The following YTHDC1 variants were observed in gnomAD, a reference collection of about 807,000 sequenced individuals.
YTHDC1 encodes YTH domain-containing protein 1.
In YTHDC1, 12 loss-of-function variants were observed where a neutral mutation model predicts 107.0. That is an observed-to-expected ratio of 0.11 (90% confidence interval 0.07 to 0.18). YTHDC1 has a LOEUF of 0.18. Ranked by LOEUF, YTHDC1 falls within the 10% of genes least tolerant of loss-of-function variation. YTHDC1 has a pLI of 1.00. For missense variants in YTHDC1, 635 were observed against 898.8 expected, an observed-to-expected ratio of 0.71 and a Z score of 3.75; for synonymous variants, 280 against 289.5, an observed-to-expected ratio of 0.97 and a Z score of 0.33.
rs999703283 is a variant in YTHDC1 at position 68,313,938 on chromosome 4, T to C, written c.*161A>G. 9 of 772,748 alleles carry C rather than the reference T, an allele frequency of 1.2e-5. No individual in the cohort carries two copies. The highest frequency in any genetic ancestry group is 5.2e-5 in the African/African-American group (3 of 57,214). The allele number at this position is 772,748 out of a possible 1,614,324, so 47.9% of individuals were successfully genotyped here. A position where few individuals can be genotyped will look rare whatever the true frequency, so the allele number is the denominator to read the frequency against. On this transcript the variant is annotated 3_prime_UTR_variant, in exon 17 of 17. Coordinates refer to ENST00000344157, the MANE Select transcript of YTHDC1 (RefSeq NM_001031732.4). ...CGGATTTGAGTTTTTCCAGTTCTTA[T>C]GATACTGCATGCTTGGAACAAAGGG...
chr4:68,348,438 C>T (rs1725686062), intron 1 of YTHDC1, among the ~76,000 whole-genome samples: 1 of 148,812 alleles, frequency 6.7e-6, no homozygotes, highest in South Asian at 2.1e-4. Flanking sequence ...TCACTAACAC[C>T]ATACAATCCT....
intron 1 of YTHDC1, among the ~76,000 whole-genome samples, chr4:68,342,531 T>C (rs1260051507): frequency 6.6e-6 from 1 of 152,300 alleles, no homozygotes; most frequent in South Asian, 2.1e-4. Flanking sequence ...ACATAATACA[T>C]GACAGATGTT....
intron 13 of YTHDC1, 30 bp downstream of exon 13, chr4:68,318,796 C>G: frequency 6.2e-7 from 1 of 1,614,084 alleles, no homozygotes; most frequent in Non-Finnish European, 8.5e-7. Context: ...GAATGTAATT[C>G]AAAACTAGGC....
intron 1 of YTHDC1, among the ~76,000 whole-genome samples, chr4:68,338,866 A>T (rs2109733296): frequency 6.6e-6 from 1 of 152,296 alleles, no homozygotes; most frequent in East Asian, 1.9e-4. Flanking sequence ...ACACACACAC[A>T]AACAGAAGTC....
At chr4:68,329,691 C>T (rs1723367488) in intron 9 of YTHDC1, among the ~76,000 whole-genome samples, 1 of 152,170 alleles carries the variant, frequency 6.6e-6, no homozygotes, top group Admixed American at 6.5e-5. Flanking sequence ...AATTGTTAGC[C>T]AAGTCATAGT....
rs761232553 is a variant in YTHDC1, at chr4:68,329,973, A to G, written c.1349+29T>C. Reference sequence around the variant, plus strand: ...AAACTGGTAGTGTATTCAAAATTTCAGTTATCTATACTGAAGTGTATAATT... The same window carrying G: ...AAACTGGTAGTGTATTCAAAATTTCGGTTATCTATACTGAAGTGTATAATT... On this transcript the variant is annotated intron_variant, in intron 9 of 16. Coordinates refer to ENST00000344157, the MANE Select transcript of YTHDC1 (RefSeq NM_001031732.4). 3 of 1,529,990 alleles carry G rather than the reference A, an allele frequency of 2.0e-6. No individual in the cohort carries two copies. In the Admixed American group the frequency reaches 5.1e-5, roughly 26 times the overall value. The allele number at this position is 1,529,990 out of a possible 1,614,324, so 94.8% of individuals were successfully genotyped here.
rs115909506 is a variant in YTHDC1 at position 68,315,234 on chromosome 4, A to G, written c.1960-911T>C. ...TTAACTGAAAATAAACTACTAATTT[A>G]AAGTTTGTGAATTAGTTAACTAGTA... On this transcript the variant is annotated intron_variant, in intron 16 of 16. Coordinates refer to ENST00000344157, the MANE Select transcript of YTHDC1 (RefSeq NM_001031732.4). 3.1e-3 allele frequency among the ~76,000 whole-genome samples: 468 copies of G among 152,324 alleles called. 2 individuals are homozygous for G. The highest frequency in any genetic ancestry group is 0.011 in the African/African-American group (443 of 41,572).
chr4:68,319,298 G>C (rs1419250041), intron 12 of YTHDC1, among the ~76,000 whole-genome samples: 1 of 152,062 alleles, frequency 6.6e-6, no homozygotes, highest in Non-Finnish European at 1.5e-5. Context: ...TTAAGGGGGA[G>C]GGGGAAAAAA....
chr4:68,341,658 G>C (rs1319359113), intron 1 of YTHDC1, among the ~76,000 whole-genome samples: 1 of 150,890 alleles, frequency 6.6e-6, no homozygotes, highest in Admixed American at 6.6e-5. Context: ...CCTTTACAAA[G>C]AGTTTTGCCA....
chr4:68,318,450 G>C (rs1197978303), intron 15 of YTHDC1, 69 bp downstream of exon 15: 2 of 1,419,034 alleles, frequency 1.4e-6, no homozygotes, highest in South Asian at 2.6e-5. Flanking sequence ...ATCATATTCC[G>C]AGTAAGCACC....
rs1721447299 is a variant in YTHDC1, at chr4:68,313,302, GAA to G, written c.*795_*796del. On this transcript the variant is annotated 3_prime_UTR_variant, in exon 17 of 17. Coordinates refer to ENST00000344157, the MANE Select transcript of YTHDC1 (RefSeq NM_001031732.4). ...ATAAAACAAACCTGCAATTGGATAA[GAA>G]AAAGATACAAAAGATAACCGTCAAT... 6.6e-6 allele frequency: 1 copy of G among 152,502 alleles called. No individual in the cohort carries two copies. Among genetic ancestry groups the G allele is most frequent in the African/African-American group, 2.4e-5 (1 of 41,422 alleles). The allele number at this position is 152,502 out of a possible 1,614,324, so 9.4% of individuals were successfully genotyped here.
In YTHDC1 at chr4:68,314,122, C is replaced by T. The variant is rs1164484916; in HGVS notation, c.2161G>A (p.Glu721Lys). 6.2e-7 allele frequency: 1 copy of T among 1,614,120 alleles called. No individual in the cohort carries two copies. The highest frequency in any genetic ancestry group is 8.5e-7 in the Non-Finnish European group (1 of 1,180,012). The change falls in exon 17 of 17, where the codon GAG becomes AAG. Residue 721 changes from glutamate (E) to lysine (K), a missense_variant. Coordinates refer to ENST00000344157, the MANE Select transcript of YTHDC1 (RefSeq NM_001031732.4). ...CATTATCTTCTATATCGACCTCTCT[C>T]CCCTCGGTCTCTGTCTCGATCACAT... The part of the protein sequence containing the change: ...RLCDRDRDRG[E>K]RGRYRR
intron 15 of YTHDC1, 47 bp from the exon 16 acceptor site, chr4:68,316,495 TA>T: frequency 6.3e-7 from 1 of 1,583,480 alleles, no homozygotes; most frequent in Non-Finnish European, 8.6e-7. Context: ...AACACCCTTG[TA>T]AACAAGCGAT....
chr4:68,326,861 G>T (rs1422940787), intron 9 of YTHDC1, among the ~76,000 whole-genome samples: 1 of 151,720 alleles, frequency 6.6e-6, no homozygotes, highest in Non-Finnish European at 1.5e-5. Flanking sequence ...AAAGTGCTGG[G>T]ATTACAGGCA....
chr4:68,337,550 T>C (rs1009888087), intron 3 of YTHDC1, 22 bp downstream of exon 3: 9 of 1,586,956 alleles, frequency 5.7e-6, no homozygotes, highest in South Asian at 1.2e-5. Context: ...TTCTGTTTTA[T>C]ATCTGCAATA....
intron 1 of YTHDC1, 95 bp downstream of exon 1, chr4:68,349,631 A>ACCCCCCCCCCCCC: frequency 3.9e-6 from 1 of 258,546 alleles, no homozygotes; most frequent in Non-Finnish European, 7.7e-6. Flanking sequence ...AACCTCCCCA[A>ACCCCCCCCCCCCC]CCCCCACCCC....
chr4:68,320,005 G>T lies in YTHDC1; in HGVS notation c.1684+118C>A, dbSNP rs1479775372. ...ACTAAAATTTCTCAAGATTTAAGTA[G>T]TCAGGTCCTGAATTTTTTTCACTTT... On this transcript the variant is annotated intron_variant, in intron 12 of 16. Coordinates refer to ENST00000344157, the MANE Select transcript of YTHDC1 (RefSeq NM_001031732.4). The T allele has an allele frequency of 1.5e-5, 12 of 793,304 alleles. No individual in the cohort carries two copies. The East Asian group carries it at 3.3e-4, about 22-fold the overall frequency. The allele number at this position is 793,304 out of a possible 1,614,324, so 49.1% of individuals were successfully genotyped here.
intron 15 of YTHDC1, among the ~76,000 whole-genome samples, chr4:68,317,140 C>G (rs1306550865): frequency 1.3e-5 from 2 of 152,122 alleles, no homozygotes; most frequent in East Asian, 1.9e-4. Context: ...AGCAGGACCA[C>G]TTGTGCCCAG....
In YTHDC1 at chr4:68,310,512, T is replaced by C. The variant is rs1721225624; in HGVS notation, c.*3587A>G. Reference sequence around the variant, plus strand: ...ACAAGAGAATCCCCACCCCAAAAAATTAGAGATTAAATGATCTACATGATA... The same window carrying C: ...ACAAGAGAATCCCCACCCCAAAAAACTAGAGATTAAATGATCTACATGATA... On this transcript the variant is annotated 3_prime_UTR_variant, in exon 17 of 17. Coordinates refer to ENST00000344157, the MANE Select transcript of YTHDC1 (RefSeq NM_001031732.4). The C allele has an allele frequency of 6.6e-6, 1 of 152,088 alleles. No homozygotes were observed. The highest frequency in any genetic ancestry group is 2.1e-4 in the South Asian group (1 of 4,824). The allele number at this position is 152,088 out of a possible 1,614,324, so 9.4% of individuals were successfully genotyped here. A position where few individuals can be genotyped will look rare whatever the true frequency, so the allele number is the denominator to read the frequency against.
Sources: gnomAD v4.1 joint callset for allele counts (sites outside exome capture counted in the v4.1 genomes callset) on GRCh38, gnomAD v4.1.1 for gene constraint, MANE v1.5 for transcripts, NCBI Gene and HGNC (gene_info 2026-07-23, HGNC 2026-07-21) for gene names.